The following CNBD1 variants were observed in gnomAD, a reference collection of about 807,000 sequenced individuals.
CNBD1 encodes cyclic nucleotide-binding domain-containing protein 1.
In CNBD1, 71 loss-of-function variants were observed where a neutral mutation model predicts 54.4. The ratio of observed to expected loss-of-function variants is 1.30; its 90% CI spans 1.08 to 1.59. The LOEUF (loss-of-function observed/expected upper bound fraction) is 1.59. CNBD1 is among the 40% of genes most tolerant of loss of function. The pLI is 0.00. For missense variants in CNBD1, 659 were observed against 518.0 expected (o/e 1.27, Z -2.64); for synonymous variants, 182 against 170.7 (o/e 1.07, Z -0.51).
intron 4 of CNBD1, among the ~76,000 whole-genome samples, chr8:86,943,982 C>G (rs1231803385): frequency 5.3e-5 from 8 of 152,244 alleles, no homozygotes; most frequent in Admixed American, 3.3e-4. Flanking sequence ...ACTAGGCTCA[C>G]AGCTTAATTT....
chr8:87,021,070 C>T (rs1389578402), intron 4 of CNBD1, among the ~76,000 whole-genome samples: 1 of 152,176 alleles, frequency 6.6e-6, no homozygotes. Context: ...CCTTTCTAAA[C>T]CAAACCAGTG....
chr8:86,919,015 T>C (rs1809230562), intron 3 of CNBD1, among the ~76,000 whole-genome samples: 1 of 151,844 alleles, frequency 6.6e-6, no homozygotes, highest in African/African-American at 2.4e-5. Flanking sequence ...TCTGAAAATA[T>C]CATGCTTTTT....
At chr8:87,219,223 A>G (rs952037243) in intron 5 of CNBD1, among the ~76,000 whole-genome samples, 2 of 152,078 alleles carry the variant, frequency 1.3e-5, no homozygotes, top group African/African-American at 4.8e-5. Context: ...CGACTATAAA[A>G]ACACAAATTC....
At chr8:86,922,835 G>A (rs1245012601) in intron 3 of CNBD1, among the ~76,000 whole-genome samples, 3 of 152,096 alleles carry the variant, frequency 2.0e-5, no homozygotes, top group Non-Finnish European at 1.5e-5. Context: ...GAGTCACGGA[G>A]CAACCAGGAG....
intron 4 of CNBD1, among the ~76,000 whole-genome samples, chr8:87,083,231 C>T (rs114695629): frequency 0.012 from 1,857 of 152,254 alleles, 45 homozygotes; most frequent in African/African-American, 0.043. Context: ...GCTACTAAGC[C>T]GTCCTTTGTG....
chr8:87,076,824 G>A (rs1222340561), intron 4 of CNBD1, among the ~76,000 whole-genome samples: 1 of 152,068 alleles, frequency 6.6e-6, no homozygotes, highest in Non-Finnish European at 1.5e-5. Context: ...AAATGTAACT[G>A]AGAGATTTAT....
chr8:87,104,380 CA>C (rs565619884), intron 4 of CNBD1, among the ~76,000 whole-genome samples: 1 of 152,118 alleles, frequency 6.6e-6, no homozygotes. Flanking sequence ...GAAGTAAAAG[CA>C]ACAGGAAATG....
intron 8 of CNBD1, among the ~76,000 whole-genome samples, chr8:87,320,376 A>G (rs1481890966): frequency 6.6e-6 from 1 of 152,086 alleles, no homozygotes; most frequent in African/African-American, 2.4e-5. Flanking sequence ...CTTGAAAAAT[A>G]ACTTAGATTT....
intron 4 of CNBD1, among the ~76,000 whole-genome samples, chr8:87,161,877 C>G (rs1028945047): frequency 1.3e-5 from 2 of 152,118 alleles, no homozygotes; most frequent in African/African-American, 2.4e-5. Context: ...CAAAAAAGGT[C>G]TTTCTAAAAC....
chr8:87,377,547 T>C (rs1810975186), intron 10 of CNBD1, among the ~76,000 whole-genome samples: 1 of 151,948 alleles, frequency 6.6e-6, no homozygotes, highest in South Asian at 2.1e-4. Flanking sequence ...TAATCCAGTC[T>C]ATCATTGTTG....
chr8:87,204,001 G>A (rs1052322374), intron 4 of CNBD1, among the ~76,000 whole-genome samples: 3 of 152,080 alleles, frequency 2.0e-5, no homozygotes, highest in African/African-American at 7.2e-5. Context: ...TTTTTGGGAG[G>A]AACACCTGGC....
chr8:87,096,993 G>A (rs952372478), intron 4 of CNBD1, among the ~76,000 whole-genome samples: 3 of 152,130 alleles, frequency 2.0e-5, no homozygotes. Flanking sequence ...AGCAGACACA[G>A]CTTCCTTAAC....
intron 4 of CNBD1, among the ~76,000 whole-genome samples, chr8:87,159,364 G>A (rs1223123287): frequency 1.3e-5 from 2 of 152,060 alleles, no homozygotes; most frequent in Non-Finnish European, 2.9e-5. Context: ...AGAGAATGGG[G>A]CTGATTCAGA....
chr8:87,413,346 A>T (rs76117044), intron 2 of CNBD1, among the ~76,000 whole-genome samples: 1 of 152,060 alleles, frequency 6.6e-6, no homozygotes. Context: ...TTTTAAAATG[A>T]TTCAAGTCTT....
intron 3 of CNBD1, among the ~76,000 whole-genome samples, chr8:86,935,202 A>C (rs560349191): frequency 1.2e-4 from 18 of 151,760 alleles, no homozygotes; most frequent in Admixed American, 3.3e-4. Context: ...TGCCTGGCTA[A>C]TTTTTTTGTA....
intron 4 of CNBD1, among the ~76,000 whole-genome samples, chr8:87,119,972 T>A (rs1184572209): frequency 6.6e-6 from 1 of 152,102 alleles, no homozygotes; most frequent in Non-Finnish European, 1.5e-5. Context: ...CTGTTAGTGG[T>A]TTGCTGGTAT....
downstream of CNBD1, among the ~76,000 whole-genome samples, chr8:87,383,223 A>G (rs1336034231): frequency 6.6e-6 from 1 of 152,088 alleles, no homozygotes. Context: ...TTAATTTAAA[A>G]AATAACAATA....
chr8:87,321,017 C>T (rs1809516005), intron 8 of CNBD1, among the ~76,000 whole-genome samples: 1 of 152,072 alleles, frequency 6.6e-6, no homozygotes, highest in Non-Finnish European at 1.5e-5. Context: ...AAACTGCATC[C>T]ATGTTGCAGA....
At chr8:87,129,789 T>C (rs1397906929) in intron 4 of CNBD1, among the ~76,000 whole-genome samples, 1 of 152,196 alleles carries the variant, frequency 6.6e-6, no homozygotes, top group African/African-American at 2.4e-5. Context: ...TTTTTTGTTT[T>C]TTTGACCCAT....
Sources: gnomAD v4.1 joint callset for allele counts (sites outside exome capture counted in the v4.1 genomes callset) on GRCh38, gnomAD v4.1.1 for gene constraint, MANE v1.5 for transcripts, NCBI Gene and HGNC (gene_info 2026-07-23, HGNC 2026-07-21) for gene names.